CSTPP1: variants seen among roughly 807,000 people sequenced by gnomAD.
CSTPP1 encodes the protein UPF0705 protein C11orf49.
the CSTPP1 span, among the ~76,000 whole-genome samples, chr11:46,998,090 C>T: frequency 6.6e-6 from 1 of 152,050 alleles, no homozygotes; most frequent in Non-Finnish European, 1.5e-5. Flanking sequence ...TTCAAAGCTC[C>T]GTTGGAAATG....
chr11:47,138,842 G>A, the CSTPP1 span, among the ~76,000 whole-genome samples: 4 of 151,996 alleles, frequency 2.6e-5, no homozygotes, highest in Non-Finnish European at 4.4e-5. Context: ...AACCAGGCAC[G>A]GTTGCGCTTG....
the CSTPP1 span, chr11:47,161,343 CCT>C: frequency 2.5e-5 from 39 of 1,584,154 alleles, no homozygotes; most frequent in East Asian, 7.8e-4. Flanking sequence ...GGTGTCCCTC[CCT>C]CTGAGTCCTT....
the CSTPP1 span, among the ~76,000 whole-genome samples, chr11:47,067,387 C>T: frequency 4.6e-5 from 7 of 152,090 alleles, no homozygotes; most frequent in Non-Finnish European, 1.0e-4. Context: ...GACTCAAAGG[C>T]TAGTATGACT....
At chr11:47,006,753 T>C in the CSTPP1 span, among the ~76,000 whole-genome samples, 3 of 143,232 alleles carry the variant, frequency 2.1e-5, no homozygotes, top group Middle Eastern at 3.6e-3. Context: ...CACACTCAGC[T>C]AATTTTTTTT....
chr11:47,036,972 C>T, the CSTPP1 span, among the ~76,000 whole-genome samples: 4 of 127,184 alleles, frequency 3.1e-5, no homozygotes, highest in African/African-American at 5.0e-5. Flanking sequence ...TGAGCCACCA[C>T]GCCCAGCCTA....
chr11:46,984,167 T>C, the CSTPP1 span, among the ~76,000 whole-genome samples: 2 of 152,192 alleles, frequency 1.3e-5, no homozygotes, highest in Non-Finnish European at 2.9e-5. Flanking sequence ...ATAAAGATAA[T>C]TTTTACTTCC....
chr11:47,162,110 C>G, the CSTPP1 span: 4 of 986,712 alleles, frequency 4.1e-6, no homozygotes, highest in Non-Finnish European at 4.8e-6. Flanking sequence ...TGTTGGAGAA[C>G]AGCCAGTAGC....
chr11:47,000,940 A>G, the CSTPP1 span, among the ~76,000 whole-genome samples: 2 of 152,222 alleles, frequency 1.3e-5, no homozygotes, highest in Non-Finnish European at 2.9e-5. Context: ...AATTCAGGCT[A>G]TAAAAGTAAC....
chr11:47,154,170 CA>C, the CSTPP1 span, among the ~76,000 whole-genome samples: 1 of 152,208 alleles, frequency 6.6e-6, no homozygotes, highest in South Asian at 2.1e-4. Context: ...CTCCTGACCT[CA>C]AATGATTCAC....
At chr11:47,033,429 C>T in the CSTPP1 span, among the ~76,000 whole-genome samples, 1 of 152,016 alleles carries the variant, frequency 6.6e-6, no homozygotes, top group African/African-American at 2.4e-5. Flanking sequence ...GTCTTCTTCC[C>T]CTTCTATTCC....
At chr11:47,031,929 C>T in the CSTPP1 span, among the ~76,000 whole-genome samples, 2 of 152,080 alleles carry the variant, frequency 1.3e-5, no homozygotes, top group African/African-American at 4.8e-5. Flanking sequence ...TGTTTTAGGG[C>T]AGGAAGCATC....
the CSTPP1 span, among the ~76,000 whole-genome samples, chr11:47,030,853 C>T: frequency 6.6e-6 from 1 of 152,176 alleles, no homozygotes; most frequent in Non-Finnish European, 1.5e-5. Context: ...GACATGATCT[C>T]ATTCTTTTCT....
chr11:47,042,159 A>T, the CSTPP1 span, among the ~76,000 whole-genome samples: 5 of 150,892 alleles, frequency 3.3e-5, 1 homozygote, highest in African/African-American at 1.2e-4. Context: ...CTATGATTGC[A>T]TCACTGCATT....
At chr11:47,148,064 TA>T in the CSTPP1 span, among the ~76,000 whole-genome samples, 2 of 152,136 alleles carry the variant, frequency 1.3e-5, no homozygotes, top group African/African-American at 4.8e-5. Flanking sequence ...GGCCCTAGGC[TA>T]GAGGCAGCTT....
the CSTPP1 span, among the ~76,000 whole-genome samples, chr11:47,051,486 A>T: frequency 3.9e-5 from 6 of 151,998 alleles, no homozygotes; most frequent in Admixed American, 6.5e-5. Context: ...GGGCCACTTT[A>T]TACCCTTGTT....
At chr11:47,016,430 G>C in the CSTPP1 span, among the ~76,000 whole-genome samples, 2 of 142,856 alleles carry the variant, frequency 1.4e-5, no homozygotes, top group Admixed American at 7.0e-5. Flanking sequence ...AACGCTACTA[G>C]AACTAATAAG....
At chr11:46,944,884 T>C in the CSTPP1 span, among the ~76,000 whole-genome samples, 4 of 152,338 alleles carry the variant, frequency 2.6e-5, no homozygotes, top group South Asian at 2.1e-4. Flanking sequence ...TCTCACAGTA[T>C]CTGAGCTAAG....
At chr11:47,052,373 C>T in the CSTPP1 span, 1 of 1,608,308 alleles carries the variant, frequency 6.2e-7, no homozygotes, top group Non-Finnish European at 8.5e-7. Context: ...GACTTCTTGA[C>T]TTTTCTCTTT....
the CSTPP1 span, among the ~76,000 whole-genome samples, chr11:47,034,410 A>T: frequency 6.6e-6 from 1 of 152,008 alleles, no homozygotes; most frequent in Non-Finnish European, 1.5e-5. Flanking sequence ...CTTCCTTACT[A>T]ATAAGTGTCC....
Sources: gnomAD v4.1 joint callset for allele counts (sites outside exome capture counted in the v4.1 genomes callset) on GRCh38, gnomAD v4.1.1 for gene constraint, MANE v1.5 for transcripts, NCBI Gene and HGNC (gene_info 2026-07-23, HGNC 2026-07-21) for gene names.